KDM2B: variants seen among roughly 807,000 people sequenced by gnomAD.
The protein encoded by KDM2B is lysine-specific demethylase 2B.
KDM2B carries 26 observed loss-of-function variants against 150.0 expected under a neutral mutation model. The ratio of observed to expected loss-of-function variants is 0.17; its 90% CI spans 0.13 to 0.24. The LOEUF is 0.24. Among genes scored for constraint, KDM2B ranks in the 10% least tolerant of loss-of-function variants. The pLI is 1.00. For synonymous variants in KDM2B, 734 were observed against 729.5 expected (o/e 1.01, Z -0.10); for missense variants, 1,265 against 1,816.9 (o/e 0.70, Z 5.52).
intron 11 of KDM2B, among the ~76,000 whole-genome samples, chr12:121,505,299 A>AG (rs1884970662): frequency 6.6e-6 from 1 of 151,802 alleles, no homozygotes; most frequent in African/African-American, 2.4e-5. Context: ...AAAAAAAAAA[A>AG]AAAATTGTGA....
intron 4 of KDM2B, 178 bp downstream of exon 4, chr12:121,574,369 A>G: frequency 1.8e-6 from 1 of 569,440 alleles, no homozygotes. Flanking sequence ...GCTTCTTAAG[A>G]CTGCAACCCT....
At position 121,510,024 on chromosome 12, in the gene KDM2B, G is replaced by A; in HGVS notation, c.1190C>T (p.Pro397Leu). Reference protein sequence around the residue: ...ESMLIDAPRKPSIDGFSSDSW... With the variant: ...ESMLIDAPRKLSIDGFSSDSW... The stretch of plus-strand genomic sequence containing the variant: ...ATCCGAAGAGAAGCCGTCTATGCTG[G>A]GCTTCCTCGGGGCATCTGTGGGGGC... The change falls in exon 11 of 23, where the codon CCC (proline) becomes CTC (leucine). Residue 397 changes from proline (P) to leucine (L), a missense_variant. Coordinates refer to ENST00000377071, the MANE Select transcript of KDM2B (RefSeq NM_032590.5). The A allele has an allele frequency of 6.4e-7, 1 of 1,556,448 alleles. No individual in the cohort carries two copies. Among genetic ancestry groups the A allele is most frequent in the Non-Finnish European group, 8.7e-7 (1 of 1,152,662 alleles).
rs1391465722 is a variant in KDM2B at position 121,521,486 on chromosome 12, A to T, written c.932-386T>A. Among the ~76,000 whole-genome samples, 1 of 152,136 alleles carries T rather than the reference A, an allele frequency of 6.6e-6. No individual in the cohort carries two copies. Among genetic ancestry groups the T allele is most frequent in the Non-Finnish European group, 1.5e-5 (1 of 68,016 alleles). ...CCTCACCTCCCCTCCCAGGTGGCAC[A>T]TGTGTCCAGAGTCTTTCCTCACCAT... On this transcript the variant is annotated intron_variant, in intron 8 of 22. Transcript: ENST00000377071. This position sits in a 1 kb window ranked among gnomAD's most constrained non-coding sequence, Gnocchi z 4.9.
In KDM2B at chr12:121,429,676, G is replaced by A. The variant is rs1872717544; in HGVS notation, c.*612C>T. ...TTTGTTAGATCTGGGCACATTTGTA[G>A]ATGGGTTGTGTCGATGAAGTACACG... On this transcript the variant is annotated 3_prime_UTR_variant, in exon 23 of 23. Coordinates refer to ENST00000377071, the MANE Select transcript of KDM2B (RefSeq NM_032590.5). 1 of 313,004 alleles carries A rather than the reference G, an allele frequency of 3.2e-6. No individual in the cohort carries two copies. The highest frequency in any genetic ancestry group is 2.1e-5 in the African/African-American group (1 of 47,084). 19.4% of individuals were successfully genotyped at this position (313,004 alleles called of 1,614,324 possible).
chr12:121,483,850 C>T (rs780962942), intron 12 of KDM2B, among the ~76,000 whole-genome samples: 3 of 152,038 alleles, frequency 2.0e-5, no homozygotes, highest in Non-Finnish European at 4.4e-5. Flanking sequence ...CACACTGAGG[C>T]ATAATGGAGA....
At chr12:121,540,925 G>C (rs555289444) in intron 6 of KDM2B, among the ~76,000 whole-genome samples, 14 of 152,110 alleles carry the variant, frequency 9.2e-5, no homozygotes, top group African/African-American at 3.4e-4. Flanking sequence ...CATTGTAGAA[G>C]AAGAAACAGT....
chr12:121,467,389 G>T lies in KDM2B; in HGVS notation c.1735-14045C>A. The T allele has an allele frequency of 2.1e-6, 2 of 973,676 alleles. No homozygotes were observed. The highest frequency in any genetic ancestry group is 4.6e-5 in the South Asian group (1 of 21,568). The allele number at this position is 973,676 out of a possible 1,614,324, so 60.3% of individuals were successfully genotyped here. On this transcript the variant is annotated intron_variant, in intron 12 of 22. Coordinates refer to ENST00000377071, the MANE Select transcript of KDM2B (RefSeq NM_032590.5). This position sits in a 1 kb window ranked among gnomAD's most constrained non-coding sequence, Gnocchi z 5.1. ...TCGCACGCCCGCGCTGGAGGGGGCG[G>T]GGAGGGGCCGGCGGGGGAGGGCCGG... is the stretch of plus-strand genomic sequence containing the variant.
chr12:121,579,731 C>G (rs1195659003), intron 1 of KDM2B: 16 of 1,446,026 alleles, frequency 1.1e-5, no homozygotes, highest in African/African-American at 1.4e-5. Flanking sequence ...GGCCCCTCAG[C>G]CCCCCAGATT....
the KDM2B span, among the ~76,000 whole-genome samples, chr12:121,421,771 G>C: frequency 6.6e-6 from 1 of 152,120 alleles, no homozygotes; most frequent in Admixed American, 6.5e-5. Flanking sequence ...TGAATTAGGC[G>C]TGGGCCACCA....
At chr12:121,474,423 C>A (rs1180274832) in intron 12 of KDM2B, among the ~76,000 whole-genome samples, 1 of 151,732 alleles carries the variant, frequency 6.6e-6, no homozygotes, top group African/African-American at 2.4e-5. Flanking sequence ...GGCTGAGGCA[C>A]GAGAATGGCG....
At chr12:121,438,830 TAA>T (rs782041300) in intron 22 of KDM2B, among the ~76,000 whole-genome samples, 40 of 137,556 alleles carry the variant, frequency 2.9e-4, no homozygotes, top group South Asian at 4.6e-4. Flanking sequence ...TTTCTAAGGG[TAA>T]AAAAAAAAAA....
chr12:121,430,833 A>G lies in KDM2B; in HGVS notation c.3830-364T>C, dbSNP rs1171822923. 3.3e-5 allele frequency among the ~76,000 whole-genome samples: 5 copies of G among 152,118 alleles called. No individual in the cohort carries two copies. The highest frequency in any genetic ancestry group is 1.2e-4 in the African/African-American group (5 of 41,410). ...AAGTAGCTTGCTTTTCTCATCTAAT[A>G]TGTTGTTGATGAGTACTGCTCTATG... On this transcript the variant is annotated intron_variant, in intron 22 of 22. Transcript: ENST00000377071. This position sits in a 1 kb window ranked among gnomAD's most constrained non-coding sequence, Gnocchi z 4.4.
intron 4 of KDM2B, among the ~76,000 whole-genome samples, chr12:121,558,298 C>T (rs979200841): frequency 1.3e-5 from 2 of 151,924 alleles, no homozygotes; most frequent in Admixed American, 6.6e-5. Context: ...AAGACCTGAC[C>T]TGGGGGTGGT....
At chr12:121,541,850 G>C (rs1190088721) in intron 6 of KDM2B, among the ~76,000 whole-genome samples, 1 of 151,966 alleles carries the variant, frequency 6.6e-6, no homozygotes, top group African/African-American at 2.4e-5. Flanking sequence ...AGCAAAGGAG[G>C]GGAGGAGACT....
chr12:121,515,803 C>A (rs1566365086), intron 9 of KDM2B, among the ~76,000 whole-genome samples: 1 of 152,028 alleles, frequency 6.6e-6, no homozygotes, highest in African/African-American at 2.4e-5. Context: ...CTGCCTGCCT[C>A]TGATGGATGG....
intron 4 of KDM2B, among the ~76,000 whole-genome samples, chr12:121,560,708 T>A (rs1555313722): frequency 2.6e-5 from 4 of 152,088 alleles, no homozygotes; most frequent in Non-Finnish European, 5.9e-5. Flanking sequence ...AGATGAAGAA[T>A]GAGCCCTCCA....
chr12:121,438,883 C>T (rs1245904666), intron 22 of KDM2B, among the ~76,000 whole-genome samples: 1 of 150,924 alleles, frequency 6.6e-6, no homozygotes, highest in African/African-American at 2.4e-5. Context: ...TTTGCTCTCA[C>T]GCAAACCCAA....
rs1881547081 is a variant in KDM2B at position 121,477,718 on chromosome 12, T to C, written c.1734+16861A>G. ...TCAGCCTCCAGAGTAGCTGGGATTA[T>C]AGGTGTCTGCCACCACACCCAGCTA... On this transcript the variant is annotated intron_variant, in intron 12 of 22. Transcript: ENST00000377071. Among the ~76,000 whole-genome samples the C allele has an allele frequency of 2.0e-5, 3 of 151,672 alleles. No homozygotes were observed. The South Asian group carries it at 6.3e-4, about 32-fold the overall frequency.
chr12:121,416,158 GGCGGGT>G, the KDM2B span: 1 of 1,613,518 alleles, frequency 6.2e-7, no homozygotes, highest in Non-Finnish European at 8.5e-7. Context: ...TTCCTTTTTA[GGCGGGT>G]GCCACGTCTA....
Sources: allele counts gnomAD v4.1 joint callset (sites outside exome capture counted in the v4.1 genomes callset), GRCh38; gene constraint gnomAD v4.1.1; non-coding constraint Gnocchi (gnomAD v3.1); transcripts MANE v1.5; gene names NCBI Gene and HGNC (gene_info 2026-07-23, HGNC 2026-07-21).